DMD: variants seen among roughly 807,000 people sequenced by gnomAD.
DMD encodes the protein dystrophin.
DMD carries 63 observed loss-of-function variants against 330.1 expected under a neutral mutation model. The ratio of observed to expected loss-of-function variants is 0.19; its 90% CI spans 0.16 to 0.24. The LOEUF is 0.24. DMD is among the 10% of genes least tolerant of loss of function. The pLI is 1.00. For missense variants in DMD, 3,344 were observed against 2,684.1 expected, an observed-to-expected ratio of 1.25 and a Z score of -5.43; for synonymous variants, 1,223 against 959.8, an observed-to-expected ratio of 1.27 and a Z score of -5.07.
intron 2 of DMD, among the ~76,000 whole-genome samples, chrX:32,965,435 A>G (rs1490367807): frequency 2.0e-5 from 2 of 102,072 alleles, no homozygotes; most frequent in Non-Finnish European, 3.9e-5. Context: ...CGGAGGTTGC[A>G]GTGAGCCAAG....
chrX:31,555,465 C>G (rs756459940), intron 55 of DMD, among the ~76,000 whole-genome samples: 2 of 112,014 alleles, frequency 1.8e-5, no homozygotes, highest in African/African-American at 3.2e-5. Context: ...ATACAAGAGG[C>G]ACTAAATATT....
At chrX:31,177,475 T>C (rs775092678) in intron 71 of DMD, among the ~76,000 whole-genome samples, 2 of 111,728 alleles carry the variant, frequency 1.8e-5, no homozygotes, top group Non-Finnish European at 3.8e-5. Flanking sequence ...TTAAAACGAA[T>C]TCTGCTGATT....
chrX:33,224,523 A>G (rs1288333226), intron 1 of DMD, among the ~76,000 whole-genome samples: 2 of 111,835 alleles, frequency 1.8e-5, no homozygotes, highest in African/African-American at 3.2e-5. Flanking sequence ...GAAAGGTAAA[A>G]TTATGAAGAT....
intron 9 of DMD, among the ~76,000 whole-genome samples, chrX:32,654,642 G>C (rs1486956525): frequency 9.0e-6 from 1 of 111,537 alleles, no homozygotes; most frequent in Non-Finnish European, 1.9e-5. Context: ...CCAGGCTTTG[G>C]TATCAGGATG....
At chrX:32,389,429 TATAAAAGAGC>T in intron 32 of DMD, 62 bp downstream of exon 32, 1 of 1,050,071 alleles carries the variant, frequency 9.5e-7, no homozygotes, top group Non-Finnish European at 1.3e-6. Flanking sequence ...AATTCTCTCT[TATAAAAGAGC>T]AGTTACTTCT....
chrX:33,312,022 AGAATTT>A (rs770102163), intron 1 of DMD, among the ~76,000 whole-genome samples: 1 of 110,993 alleles, frequency 9.0e-6, no homozygotes, highest in African/African-American at 3.3e-5. Context: ...TTTTAGCAAG[AGAATTT>A]ATTCTTCATA....
intron 7 of DMD, among the ~76,000 whole-genome samples, chrX:32,746,275 A>G (rs746729479): frequency 3.6e-5 from 4 of 112,387 alleles, no homozygotes; most frequent in Non-Finnish European, 7.5e-5. Context: ...TACAAGAATC[A>G]TAGACATACT....
At chrX:31,161,360 T>G (rs2038787108) in intron 74 of DMD, among the ~76,000 whole-genome samples, 1 of 111,914 alleles carries the variant, frequency 8.9e-6, no homozygotes, top group Admixed American at 9.5e-5. Context: ...ATTGTATTGC[T>G]ATGACTTTTT....
intron 17 of DMD, among the ~76,000 whole-genome samples, chrX:32,522,061 G>A (rs111347218): frequency 0.033 from 3,734 of 111,635 alleles, 81 homozygotes; most frequent in African/African-American, 0.074. Context: ...TCCAGAAATG[G>A]GAGACATAAA....
chrX:32,417,428 C>A (rs2098170316), intron 29 of DMD, among the ~76,000 whole-genome samples: 1 of 111,447 alleles, frequency 9.0e-6, no homozygotes, highest in Non-Finnish European at 1.9e-5. Flanking sequence ...CCACTGATCA[C>A]AGGGTCTGGG....
At chrX:32,431,459 T>C (rs1025281920) in intron 29 of DMD, among the ~76,000 whole-genome samples, 14 of 110,926 alleles carry the variant, frequency 1.3e-4, no homozygotes, top group Non-Finnish European at 2.3e-4. Flanking sequence ...TCCATTTTCT[T>C]TATTCTCCTC....
intron 43 of DMD, among the ~76,000 whole-genome samples, chrX:32,264,429 T>C (rs2097336153): frequency 9.0e-6 from 1 of 111,368 alleles, no homozygotes; most frequent in African/African-American, 3.3e-5. Context: ...GGGATACTGC[T>C]ATAAAGAAAC....
chrX:32,690,606 A>G (rs1347266283), intron 9 of DMD, among the ~76,000 whole-genome samples: 2 of 111,288 alleles, frequency 1.8e-5, no homozygotes, highest in African/African-American at 6.5e-5. Flanking sequence ...TTACTAAACT[A>G]CAGTAATTAA....
At position 32,831,503 on chromosome X, in the gene DMD, C is replaced by T. The variant is rs180699899; in HGVS notation, c.265-8116G>A. Reference sequence around the variant, plus strand: ...ATCAAACAGAAAATAGTAAATAAGACGTCAGAATGAGGGGCATGTAACTTG... The same window carrying T: ...ATCAAACAGAAAATAGTAAATAAGATGTCAGAATGAGGGGCATGTAACTTG... On this transcript the variant is annotated intron_variant, in intron 4 of 78. Coordinates refer to ENST00000357033, the MANE Select transcript of DMD (RefSeq NM_004006.3). 2.2e-4 allele frequency among the ~76,000 whole-genome samples: 24 copies of T among 110,147 alleles called. 1 individual carries two copies. In the East Asian group the frequency reaches 5.1e-3, roughly 24 times the overall value.
chrX:32,892,425 C>T (rs182857617), intron 2 of DMD, among the ~76,000 whole-genome samples: 10 of 112,147 alleles, frequency 8.9e-5, no homozygotes, highest in Non-Finnish European at 1.5e-4. Context: ...CAGAGTTCTA[C>T]TCTTTTTGCC....
intron 7 of DMD, among the ~76,000 whole-genome samples, chrX:32,805,036 A>G (rs1281121481): frequency 8.9e-6 from 1 of 112,135 alleles, no homozygotes. Context: ...TGAAAATTCC[A>G]AAACCCAGAA....
chrX:33,079,184 G>A (rs1055031112), intron 1 of DMD, among the ~76,000 whole-genome samples: 39 of 111,442 alleles, frequency 3.5e-4, no homozygotes, highest in African/African-American at 1.2e-3. Flanking sequence ...GAATGATTTT[G>A]TATTTTTAGT....
At chrX:31,655,580 A>G (rs1196877587) in intron 54 of DMD, among the ~76,000 whole-genome samples, 1 of 111,315 alleles carries the variant, frequency 9.0e-6, no homozygotes, top group Non-Finnish European at 1.9e-5. Flanking sequence ...TTTAATTGCC[A>G]TTGCAACAGT....
At chrX:31,412,459 G>C (rs970751852) in intron 60 of DMD, among the ~76,000 whole-genome samples, 3 of 111,800 alleles carry the variant, frequency 2.7e-5, no homozygotes, top group Admixed American at 1.9e-4. Context: ...AACTATCAGG[G>C]GATACATTTC....
Sources: allele counts gnomAD v4.1 joint callset (sites outside exome capture counted in the v4.1 genomes callset), GRCh38; gene constraint gnomAD v4.1.1; transcripts MANE v1.5; gene names NCBI Gene and HGNC (gene_info 2026-07-23, HGNC 2026-07-21).